PTPN21: variants seen among roughly 807,000 people sequenced by gnomAD.
The protein encoded by PTPN21 is tyrosine-protein phosphatase non-receptor type 21.
In PTPN21, 77 loss-of-function variants were observed where a neutral mutation model predicts 131.8. The observed-to-expected ratio is 0.58, with a 90% CI of 0.49 to 0.71. The LOEUF (loss-of-function observed/expected upper bound fraction) is 0.71. Among genes scored for constraint, PTPN21 ranks in the 30% least tolerant of loss-of-function variants. The pLI is 0.00. For missense variants in PTPN21, 1,552 were observed against 1,527.1 expected (o/e 1.02, Z -0.27); for synonymous variants, 715 against 621.3 (o/e 1.15, Z -2.24).
chr14:88,534,058 G>A (rs566915817), intron 2 of PTPN21, among the ~76,000 whole-genome samples: 1 of 152,278 alleles, frequency 6.6e-6, no homozygotes, highest in East Asian at 1.9e-4. Context: ...TAATATGTGT[G>A]TCTTAGTTTT....
At chr14:88,493,388 G>A (rs2077854077) in intron 10 of PTPN21, among the ~76,000 whole-genome samples, 1 of 152,198 alleles carries the variant, frequency 6.6e-6, no homozygotes, top group Admixed American at 6.5e-5. Context: ...GAGAAGGGAA[G>A]GAAGGGCATT....
At position 88,535,147 on chromosome 14, in the gene PTPN21, A is replaced by C. The variant is rs1053271294; in HGVS notation, c.180+15091T>G. Among the ~76,000 whole-genome samples, 4 of 152,274 alleles carry C rather than the reference A, an allele frequency of 2.6e-5. No homozygotes were observed. In the East Asian group the frequency reaches 5.8e-4, roughly 22 times the overall value. On this transcript the variant is annotated intron_variant, in intron 2 of 18. Coordinates refer to ENST00000556564, the MANE Select transcript of PTPN21 (RefSeq NM_007039.4). ...ATACTCACCATTGTTATATATATAT[A>C]ATTACCTACAGTATTCAGTATAGTA...
intron 2 of PTPN21, among the ~76,000 whole-genome samples, chr14:88,537,045 TC>T (rs1830261243): frequency 6.6e-6 from 1 of 152,198 alleles, no homozygotes; most frequent in African/African-American, 2.4e-5. Flanking sequence ...TTAATTTTAA[TC>T]AGTTTTCTTC....
intron 2 of PTPN21, among the ~76,000 whole-genome samples, chr14:88,520,953 T>C (rs909642317): frequency 6.6e-6 from 1 of 152,072 alleles, no homozygotes; most frequent in Non-Finnish European, 1.5e-5. Context: ...AAGTGATCCT[T>C]CTGCCCCAAC....
chr14:88,472,019 GCT>G (rs570536326), intron 15 of PTPN21, among the ~76,000 whole-genome samples: 6 of 152,140 alleles, frequency 3.9e-5, no homozygotes, highest in Non-Finnish European at 8.8e-5. Flanking sequence ...CATGACTTTG[GCT>G]CTGTCTGATA....
At chr14:88,517,692 G>GTGTGCGTATGTGTATATA (rs2078298039) in intron 2 of PTPN21, among the ~76,000 whole-genome samples, 1 of 67,550 alleles carries the variant, frequency 1.5e-5, no homozygotes, top group Non-Finnish European at 3.4e-5. Flanking sequence ...ATATACATAT[G>GTGTGCGTATGTGTATATA]TGTGCGTATG....
intron 2 of PTPN21, among the ~76,000 whole-genome samples, chr14:88,517,681 T>TATATAC (rs1210400429): frequency 6.8e-6 from 1 of 148,080 alleles, no homozygotes; most frequent in East Asian, 2.0e-4. Flanking sequence ...CACATATGTA[T>TATATAC]ATATACATAT....
At position 88,497,273 on chromosome 14, in the gene PTPN21, T is replaced by C. The variant is rs755751633; in HGVS notation, c.782A>G (p.Asn261Ser). ...AAAAAAGGACTTGTTGTGGGACATG[T>C]TGGCAATGTCATGCCACCTAAAGAA... ...PVVFRWHDIA[N>S]MSHNKSFFAL... Residue 261 changes from asparagine (N) to serine (S), a missense_variant, in exon 9 of 19, where the codon AAC becomes AGC. By Grantham distance (46) the Asn-to-Ser change is conservative. Coordinates refer to ENST00000556564, the MANE Select transcript of PTPN21 (RefSeq NM_007039.4). 3.7e-6 allele frequency: 6 copies of C among 1,613,426 alleles called. No individual in the cohort carries two copies. The highest frequency in any genetic ancestry group is 3.3e-5 in the Admixed American group (2 of 60,012).
intron 4 of PTPN21, 86 bp downstream of exon 4, chr14:88,507,837 A>G (rs1480755151): frequency 2.7e-6 from 2 of 750,498 alleles, no homozygotes; most frequent in Non-Finnish European, 4.3e-6. Flanking sequence ...ATGTATATAG[A>G]TAGATAACTT....
At chr14:88,553,632 ATCTT>A (rs2078892387) in intron 1 of PTPN21, among the ~76,000 whole-genome samples, 1 of 151,908 alleles carries the variant, frequency 6.6e-6, no homozygotes, top group Non-Finnish European at 1.5e-5. Context: ...TCTCTACAAA[ATCTT>A]TCCGTTTTGT....
intron 14 of PTPN21, among the ~76,000 whole-genome samples, chr14:88,472,742 T>G (rs2077490605): frequency 6.6e-6 from 1 of 152,074 alleles, no homozygotes; most frequent in Admixed American, 6.5e-5. Context: ...TGGTGGTGCA[T>G]GCCTGTGGTC....
intron 2 of PTPN21, among the ~76,000 whole-genome samples, chr14:88,527,369 T>C (rs940969274): frequency 2.0e-5 from 3 of 152,234 alleles, no homozygotes; most frequent in Admixed American, 1.3e-4. Context: ...TAAGGTGGTA[T>C]AGCATTGTGG....
intron 10 of PTPN21, among the ~76,000 whole-genome samples, chr14:88,490,304 C>T (rs1209076179): frequency 6.6e-6 from 1 of 152,106 alleles, no homozygotes; most frequent in Non-Finnish European, 1.5e-5. Flanking sequence ...CCACCGTGAC[C>T]GGCCGACATG....
intron 10 of PTPN21, among the ~76,000 whole-genome samples, chr14:88,494,380 A>G (rs60433681): frequency 0.037 from 5,622 of 152,272 alleles, 353 homozygotes; most frequent in African/African-American, 0.13. Flanking sequence ...TTTTATTAGA[A>G]GTAAAATGGG....
chr14:88,539,141 T>C (rs2078668817), intron 2 of PTPN21, among the ~76,000 whole-genome samples: 4 of 151,882 alleles, frequency 2.6e-5, no homozygotes, highest in Admixed American at 2.6e-4. Flanking sequence ...TGGAGTGCAA[T>C]GGCACAATCT....
chr14:88,554,979 G>A lies in PTPN21; in HGVS notation c.-531C>T, dbSNP rs2078905771. On this transcript the variant is annotated 5_prime_UTR_variant, in exon 1 of 19. Coordinates refer to ENST00000556564, the MANE Select transcript of PTPN21 (RefSeq NM_007039.4). ...TCGGACCGACGCGGGACGCGCGGCC[G>A]GAGCAGCGGGGCGGCCGGGCCCAGG... Among the ~76,000 whole-genome samples the A allele has an allele frequency of 1.1e-5, 1 of 88,654 alleles. No homozygotes were observed. Among genetic ancestry groups the A allele is most frequent in the Non-Finnish European group, 2.7e-5 (1 of 37,072 alleles). The allele number at this position is 88,654 out of a possible 152,430, so 58.2% of individuals were successfully genotyped here.
intron 3 of PTPN21, chr14:88,515,017 G>C (rs2078245467): frequency 6.6e-6 from 1 of 152,020 alleles, no homozygotes; most frequent in African/African-American, 2.4e-5. Context: ...TCTGACTATG[G>C]ATGTAATAGA....
At chr14:88,535,746 C>T in intron 2 of PTPN21, among the ~76,000 whole-genome samples, 1 of 152,166 alleles carries the variant, frequency 6.6e-6, no homozygotes, top group Non-Finnish European at 1.5e-5. Context: ...AAAGTCTGAA[C>T]ATACCAGGAC....
intron 2 of PTPN21, among the ~76,000 whole-genome samples, chr14:88,517,816 A>T (rs892618619): frequency 1.1e-4 from 16 of 146,646 alleles, no homozygotes; most frequent in Non-Finnish European, 2.2e-4. Flanking sequence ...TTATGTGTGT[A>T]TGTGTATATA....
Sources: allele counts gnomAD v4.1 joint callset (sites outside exome capture counted in the v4.1 genomes callset), GRCh38; gene constraint gnomAD v4.1.1; transcripts MANE v1.5; gene names NCBI Gene and HGNC (gene_info 2026-07-23, HGNC 2026-07-21).